The following NALCN variants were observed in gnomAD, a reference collection of about 807,000 sequenced individuals.
NALCN encodes sodium leak channel, non-selective.
A neutral mutation model predicts 225.3 loss-of-function variants in NALCN; 111 were observed. The ratio of observed to expected loss-of-function variants is 0.49; its 90% CI spans 0.42 to 0.58. NALCN has a LOEUF of 0.58. Ranked by LOEUF, NALCN falls within the 20% of genes least tolerant of loss-of-function variation. The pLI, the probability that NALCN is intolerant of heterozygous loss-of-function variation, is 0.00. For synonymous variants in NALCN, 764 were observed against 769.0 expected, an observed-to-expected ratio of 0.99 and a Z score of 0.11; for missense variants, 1,378 against 2,202.4, an observed-to-expected ratio of 0.63 and a Z score of 7.49.
intron 28 of NALCN, among the ~76,000 whole-genome samples, chr13:101,092,719 A>G (rs2034300649): frequency 6.6e-6 from 1 of 151,832 alleles, no homozygotes; most frequent in Admixed American, 6.6e-5. Context: ...AAGGGGTAGG[A>G]CCCCTCTTTT....
chr13:101,278,038 A>T (rs1203065775), intron 10 of NALCN, among the ~76,000 whole-genome samples: 5 of 152,230 alleles, frequency 3.3e-5, no homozygotes, highest in Admixed American at 2.0e-4. Context: ...GTCAAATTTA[A>T]AAACAAAGTC....
intron 7 of NALCN, among the ~76,000 whole-genome samples, chr13:101,299,450 G>C (rs1257843439): frequency 6.7e-6 from 1 of 149,096 alleles, no homozygotes; most frequent in African/African-American, 2.5e-5. Flanking sequence ...TTGTTTGTTT[G>C]TTTGTTTTTG....
intron 12 of NALCN, among the ~76,000 whole-genome samples, chr13:101,231,090 A>G (rs569821211): frequency 6.7e-4 from 102 of 152,310 alleles, no homozygotes; most frequent in African/African-American, 2.4e-3. Context: ...TGGGCTATAC[A>G]TCTAGGTTTG....
In NALCN at chr13:101,078,041, A is replaced by T. The variant is rs555397264; in HGVS notation, c.3886-2100T>A. ...TGCAAGCCCCACGACTTGGTGGCTT[A>T]CACATGGTTTTGGGCCTGTGGGTGA... On this transcript the variant is annotated intron_variant, in intron 34 of 43. Transcript: ENST00000251127. 1.1e-4 allele frequency among the ~76,000 whole-genome samples: 17 copies of T among 152,338 alleles called. No individual in the cohort carries two copies. The South Asian group carries it at 3.1e-3, about 28-fold the overall frequency.
At chr13:101,146,068 G>A (rs564591255) in intron 15 of NALCN, among the ~76,000 whole-genome samples, 10 of 152,202 alleles carry the variant, frequency 6.6e-5, no homozygotes, top group African/African-American at 1.7e-4. Flanking sequence ...CTTCTTTTTG[G>A]GGAAACATTC....
In NALCN at chr13:101,116,446, G is replaced by A. The variant is rs117349251; in HGVS notation, c.2193-5220C>T. 3.5e-3 allele frequency: 1,774 copies of A among 500,826 alleles called. 5 individuals are homozygous for A. Among genetic ancestry groups the A allele is most frequent in the Non-Finnish European group, 5.5e-3 (1,398 of 252,944 alleles). 31.0% of individuals were successfully genotyped at this position (500,826 alleles called of 1,614,324 possible). A position where few individuals can be genotyped will look rare whatever the true frequency, so the allele number is the denominator to read the frequency against. ...ATTGGCCCAAAGATTATGGTTATAA[G>A]AGAGATCTTTGGAGCTTTATTAGCC... On this transcript the variant is annotated intron_variant, in intron 18 of 43. Transcript: ENST00000251127.
chr13:101,139,751 A>G (rs1312218142), intron 17 of NALCN, among the ~76,000 whole-genome samples: 2 of 152,130 alleles, frequency 1.3e-5, no homozygotes, highest in Non-Finnish European at 2.9e-5. Flanking sequence ...AGGGTCTGTG[A>G]CGGGGATTTT....
chr13:101,260,051 C>G (rs906639534), intron 10 of NALCN, among the ~76,000 whole-genome samples: 1 of 151,994 alleles, frequency 6.6e-6, no homozygotes, highest in South Asian at 2.1e-4. Flanking sequence ...CTCTGGCAAC[C>G]AATCTCTACT....
intron 13 of NALCN, among the ~76,000 whole-genome samples, chr13:101,197,237 GA>G (rs1308830457): frequency 1.3e-5 from 2 of 152,072 alleles, no homozygotes; most frequent in African/African-American, 4.8e-5. Flanking sequence ...ACTTCTTCCA[GA>G]AGACAGTCTT....
intron 22 of NALCN, among the ~76,000 whole-genome samples, chr13:101,106,369 A>T (rs1398926918): frequency 2.0e-5 from 3 of 152,178 alleles, no homozygotes; most frequent in African/African-American, 4.8e-5. Flanking sequence ...ACAGATAGTG[A>T]TTATCATATG....
At chr13:101,342,546 G>T (rs961949272) in intron 7 of NALCN, among the ~76,000 whole-genome samples, 6 of 152,144 alleles carry the variant, frequency 3.9e-5, no homozygotes, top group Non-Finnish European at 5.9e-5. Flanking sequence ...TGAGACAGTT[G>T]TGTTCCTCCA....
intron 38 of NALCN, 57 bp from the exon 39 acceptor site, chr13:101,068,090 A>T: frequency 9.3e-7 from 1 of 1,072,554 alleles, no homozygotes; most frequent in Non-Finnish European, 1.4e-6. Context: ...GTCATATTTT[A>T]GAAAGAGTAA....
chr13:101,296,420 A>G (rs981114911), intron 7 of NALCN, among the ~76,000 whole-genome samples: 19 of 152,326 alleles, frequency 1.2e-4, no homozygotes, highest in African/African-American at 4.6e-4. Flanking sequence ...CTGATTTTCA[A>G]AATTCTCTTA....
chr13:101,364,589 C>G (rs7986723), intron 6 of NALCN, among the ~76,000 whole-genome samples: 68,769 of 151,866 alleles, frequency 0.45, 16,418 homozygotes, highest in African/African-American at 0.6. Context: ...AAGGGTAAAG[C>G]CCAGGGTTGG....
At chr13:101,296,422 A>T (rs1187658373) in intron 7 of NALCN, among the ~76,000 whole-genome samples, 2 of 152,182 alleles carry the variant, frequency 1.3e-5, no homozygotes, top group African/African-American at 4.8e-5. Context: ...GATTTTCAAA[A>T]TTCTCTTAAA....
Position 101,110,676 on chromosome 13 carries a change from A to C in NALCN, c.2307T>G (p.His769Gln), listed in dbSNP as rs147070169. 349 of 1,613,990 alleles carry C rather than the reference A, an allele frequency of 2.2e-4. No homozygotes were observed. The highest frequency in any genetic ancestry group is 2.8e-4 in the Non-Finnish European group (326 of 1,179,972). The change falls in exon 20 of 44, where the codon CAT (histidine) becomes CAG (glutamine). Residue 769 changes from histidine to glutamine, a missense_variant. By Grantham distance (24) the His-to-Gln change is conservative. This residue lies in a region of NALCN where 66 missense variants were observed against 85.7 expected (regional missense o/e 0.77). Transcript: ENST00000251127. ...TGCTGATCCTCTGGCTGTTTGATCCATGTCTTAGTGACCTAAAACAACCAC... is the reference window on the plus strand; with the variant it reads ...TGCTGATCCTCTGGCTGTTTGATCCCTGTCTTAGTGACCTAAAACAACCAC... ...HIRQERRSLR[H>Q]GSNSQRISRG...
At chr13:101,360,664 C>A (rs2046227308) in intron 6 of NALCN, among the ~76,000 whole-genome samples, 1 of 152,306 alleles carries the variant, frequency 6.6e-6, no homozygotes, top group South Asian at 2.1e-4. Flanking sequence ...CACACTCAAC[C>A]ACAAAGTACA....
At chr13:101,332,199 GAAGAT>G (rs1189623648) in intron 7 of NALCN, among the ~76,000 whole-genome samples, 1 of 152,008 alleles carries the variant, frequency 6.6e-6, no homozygotes, top group Non-Finnish European at 1.5e-5. Flanking sequence ...GCTGTTTTGA[GAAGAT>G]AATACCTAAA....
intron 4 of NALCN, among the ~76,000 whole-genome samples, chr13:101,377,397 T>G (rs946339749): frequency 1.3e-5 from 2 of 152,144 alleles, no homozygotes; most frequent in Non-Finnish European, 2.9e-5. Flanking sequence ...CTTTTGAATA[T>G]CTAGAAAATA....
Sources: allele counts gnomAD v4.1 joint callset (sites outside exome capture counted in the v4.1 genomes callset), GRCh38; gene constraint gnomAD v4.1.1; regional missense constraint gnomAD v4.1.1; transcripts MANE v1.5; gene names NCBI Gene and HGNC (gene_info 2026-07-23, HGNC 2026-07-21).